Variants in MROH9 observed in about 807,000 individuals in gnomAD.
MROH9 encodes the protein maestro heat like repeat family member 9.
A neutral mutation model predicts 98.2 loss-of-function variants in MROH9; 92 were observed. That is an observed-to-expected ratio of 0.94 (90% CI 0.79 to 1.11). The LOEUF (loss-of-function observed/expected upper bound fraction) is 1.11, where lower values mean the gene tolerates loss of function less well. Ranked by LOEUF, MROH9 falls within the 50% of genes most tolerant of loss-of-function variation. The pLI is 0.00. For missense variants in MROH9, 1,057 were observed against 1,014.8 expected, an observed-to-expected ratio of 1.04 and a Z score of -0.57; for synonymous variants, 397 against 368.9, an observed-to-expected ratio of 1.08 and a Z score of -0.87.
At chr1:170,968,014 A>G (rs935690050) in intron 7 of MROH9, among the ~76,000 whole-genome samples, 3 of 152,220 alleles carry the variant, frequency 2.0e-5, no homozygotes, top group African/African-American at 7.2e-5. Context: ...GAATTAATGA[A>G]GTGTTTTCAA....
rs754332732 is a variant in MROH9 at position 171,044,972 on chromosome 1, C to CTTTTT, written c.2282-17117_2282-17113dup. Among the ~76,000 whole-genome samples the CTTTTT allele has an allele frequency of 7.4e-3, 338 of 45,706 alleles. 55 individuals carry two copies. Among genetic ancestry groups the CTTTTT allele is most frequent in the Non-Finnish European group, 8.8e-3 (195 of 22,264 alleles). The allele number at this position is 45,706 out of a possible 152,430, so 30.0% of individuals were successfully genotyped here. Reference sequence around the variant, plus strand: ...CAATTCCATTTATTTCTGCTCTGATCTTTTTTTTTTTTTTTTTTTTTTTTT... The same window carrying CTTTTT: ...CAATTCCATTTATTTCTGCTCTGATCTTTTTTTTTTTTTTTTTTTTTTTTTTTTTT... On this transcript the variant is annotated intron_variant, in intron 20 of 21. Coordinates refer to ENST00000367759, the MANE Select transcript of MROH9 (RefSeq NM_001163629.2).
chr1:171,041,515 A>G (rs1450169646), intron 20 of MROH9, among the ~76,000 whole-genome samples: 1 of 151,256 alleles, frequency 6.6e-6, no homozygotes, highest in Non-Finnish European at 1.5e-5. Context: ...TATTGTAAAT[A>G]GTGCTGTGAC....
At chr1:170,941,757 G>C (rs61815204) in intron 1 of MROH9, among the ~76,000 whole-genome samples, 12,214 of 152,232 alleles carry the variant, frequency 0.08, 683 homozygotes, top group African/African-American at 0.16. Context: ...CTCAAGGATG[G>C]TGGGACTTCC....
chr1:170,995,333 G>T, intron 12 of MROH9, 56 bp from the exon 13 acceptor site: 2 of 1,599,932 alleles, frequency 1.3e-6, no homozygotes, highest in South Asian at 2.2e-5. Flanking sequence ...CAGTAAGGTT[G>T]ACCGGGTTTA....
chr1:170,962,798 C>G (rs138869291), intron 6 of MROH9, among the ~76,000 whole-genome samples: 2 of 151,772 alleles, frequency 1.3e-5, no homozygotes, highest in Non-Finnish European at 2.9e-5. Context: ...ATATTGGACC[C>G]CTTCCTTACA....
intron 1 of MROH9, among the ~76,000 whole-genome samples, chr1:170,939,135 T>A (rs931109645): frequency 3.9e-5 from 6 of 152,248 alleles, no homozygotes; most frequent in African/African-American, 9.6e-5. Flanking sequence ...TTCAAACTTT[T>A]TGCTAATTCT....
Position 170,958,444 on chromosome 1 carries a change from T to A in MROH9, c.73-17T>A, listed in dbSNP as rs1176620257. 4.8e-6 allele frequency: 7 copies of A among 1,472,716 alleles called. No homozygotes were observed. Among genetic ancestry groups the A allele is most frequent in the African/African-American group, 1.4e-5 (1 of 71,010 alleles). The allele number at this position is 1,472,716 out of a possible 1,614,324, so 91.2% of individuals were successfully genotyped here. A position where few individuals can be genotyped will look rare whatever the true frequency, so the allele number is the denominator to read the frequency against. On this transcript the variant is annotated splice_polypyrimidine_tract_variant and intron_variant, in intron 3 of 21. Coordinates refer to ENST00000367759, the MANE Select transcript of MROH9 (RefSeq NM_001163629.2). ...ATTAATTCTTCTTTTTTTTTTTTTTTTTAACATGGTACTTAGGCACATAAA... is the reference window on the plus strand; with the variant it reads ...ATTAATTCTTCTTTTTTTTTTTTTTATTAACATGGTACTTAGGCACATAAA...
intron 7 of MROH9, among the ~76,000 whole-genome samples, chr1:170,966,238 T>C (rs965555577): frequency 6.6e-6 from 1 of 152,126 alleles, no homozygotes; most frequent in Non-Finnish European, 1.5e-5. Flanking sequence ...TTTTTAATTT[T>C]TGCATTTCGG....
At chr1:171,058,346 C>CAAAAAAAAAAAAAAAAAAAA in intron 20 of MROH9, among the ~76,000 whole-genome samples, 1 of 67,148 alleles carries the variant, frequency 1.5e-5, no homozygotes, top group Non-Finnish European at 3.6e-5. Context: ...AGAGAGGATG[C>CAAAAAAAAAAAAAAAAAAAA]AAAAAAAAAA....
At chr1:171,014,047 T>C in intron 15 of MROH9, 70 bp from the exon 16 acceptor site, 2 of 1,317,256 alleles carry the variant, frequency 1.5e-6, no homozygotes, top group Non-Finnish European at 2.1e-6. Flanking sequence ...TAGAATATCT[T>C]GATTTTTATG....
intron 3 of MROH9, among the ~76,000 whole-genome samples, chr1:170,954,305 T>C (rs1649677428): frequency 6.6e-6 from 1 of 152,112 alleles, no homozygotes; most frequent in Non-Finnish European, 1.5e-5. Flanking sequence ...AGCTACATAT[T>C]GAATTGTAAA....
intron 8 of MROH9, among the ~76,000 whole-genome samples, chr1:170,979,423 G>A (rs1049688623): frequency 6.6e-6 from 1 of 152,138 alleles, no homozygotes; most frequent in Admixed American, 6.5e-5. Context: ...CAATTTAAAG[G>A]AGTGAGCAAA....
intron 3 of MROH9, among the ~76,000 whole-genome samples, chr1:170,958,030 C>G (rs1649843099): frequency 6.6e-6 from 1 of 151,846 alleles, no homozygotes. Flanking sequence ...AGGATGGTCT[C>G]GATCTCCTGA....
At chr1:171,011,756 G>T (rs1157580324) in intron 15 of MROH9, among the ~76,000 whole-genome samples, 1 of 152,050 alleles carries the variant, frequency 6.6e-6, no homozygotes, top group East Asian at 1.9e-4. Flanking sequence ...TTAAATTTTT[G>T]ATCTAATCCA....
At chr1:170,990,580 G>GA (rs1357396925) in intron 11 of MROH9, among the ~76,000 whole-genome samples, 1 of 152,114 alleles carries the variant, frequency 6.6e-6, no homozygotes, top group East Asian at 1.9e-4. Flanking sequence ...GAAGAGCTTA[G>GA]AAAAATCACA....
intron 12 of MROH9, among the ~76,000 whole-genome samples, chr1:170,993,709 C>A (rs981902339): frequency 6.6e-6 from 1 of 151,836 alleles, no homozygotes; most frequent in Non-Finnish European, 1.5e-5. Flanking sequence ...GAGAGCCATG[C>A]CGTAAAAGAG....
At chr1:171,021,241 C>T (rs894331083) in intron 17 of MROH9, among the ~76,000 whole-genome samples, 39 of 152,220 alleles carry the variant, frequency 2.6e-4, no homozygotes, top group African/African-American at 9.2e-4. Flanking sequence ...ACATTATTCA[C>T]AGAATTAGAA....
chr1:170,970,723 TGTGTGTGTGAGAGA>T (rs1467780949), intron 7 of MROH9, among the ~76,000 whole-genome samples: 28 of 132,700 alleles, frequency 2.1e-4, no homozygotes, highest in African/African-American at 7.5e-4. Flanking sequence ...TGTGTGTGTG[TGTGTGTGTGAGAGA>T]GAGAGAGAGA....
At chr1:170,941,457 AT>A (rs1233981214) in intron 1 of MROH9, among the ~76,000 whole-genome samples, 1 of 151,932 alleles carries the variant, frequency 6.6e-6, no homozygotes, top group Non-Finnish European at 1.5e-5. Context: ...GCTTATACAA[AT>A]CAAATAAGAA....
Sources: allele counts gnomAD v4.1 joint callset (sites outside exome capture counted in the v4.1 genomes callset), GRCh38; gene constraint gnomAD v4.1.1; transcripts MANE v1.5; gene names NCBI Gene and HGNC (gene_info 2026-07-23, HGNC 2026-07-21).